MAP3K15: variants seen among roughly 807,000 people sequenced by gnomAD.
MAP3K15 encodes mitogen-activated protein kinase kinase kinase 15.
MAP3K15 carries 124 observed loss-of-function variants against 99.5 expected under a neutral mutation model. That is an observed-to-expected ratio of 1.25 (90% confidence interval 1.08 to 1.45). MAP3K15 has a LOEUF of 1.45. Among genes scored for constraint, MAP3K15 ranks in the 40% most tolerant of loss-of-function variants. The probability of loss-of-function intolerance (pLI) is 0.00; values close to 1 mark genes in which losing one functional copy is unlikely to be tolerated. For missense variants in MAP3K15, 1,242 were observed against 1,079.7 expected, an observed-to-expected ratio of 1.15 and a Z score of -2.11; for synonymous variants, 494 against 439.6, an observed-to-expected ratio of 1.12 and a Z score of -1.55.
chrX:19,393,504 A>T (rs1285171389), intron 16 of MAP3K15, among the ~76,000 whole-genome samples: 1 of 110,600 alleles, frequency 9.0e-6, no homozygotes, highest in Admixed American at 9.7e-5. Flanking sequence ...GGTGGCACGC[A>T]CTTGTAATCC....
rs867276196 is a variant in MAP3K15 at position 19,424,211 on chromosome X, T to C, written c.1439+1320A>G. Among the ~76,000 whole-genome samples, 11 of 103,916 alleles carry C rather than the reference T, an allele frequency of 1.1e-4. 1 individual carries two copies. The highest frequency in any genetic ancestry group is 2.9e-4 in the East Asian group (1 of 3,501). 90.2% of individuals were successfully genotyped at this position (103,916 alleles called of 115,157 possible). A position where few individuals can be genotyped will look rare whatever the true frequency, so the allele number is the denominator to read the frequency against. On this transcript the variant is annotated intron_variant, in intron 9 of 28. Coordinates refer to ENST00000338883, the MANE Select transcript of MAP3K15 (RefSeq NM_001001671.4). ...GTATATATACACACACACACACACA[T>C]ATATACACACATATATGTACACACA...
At chrX:19,450,887 C>CA (rs147599064) in intron 6 of MAP3K15, among the ~76,000 whole-genome samples, 3,320 of 101,739 alleles carry the variant, frequency 0.033, 131 homozygotes, top group African/African-American at 0.11. Flanking sequence ...GTTCATTTAT[C>CA]AAAAAAAAAA....
At chrX:19,408,461 TG>T in intron 12 of MAP3K15, 1 of 137,282 alleles carries the variant, frequency 7.3e-6, no homozygotes, top group Non-Finnish European at 1.5e-5. Context: ...GAGACCAGCC[TG>T]ACCAACATGG....
At chrX:19,418,714 G>C (rs1167366804) in intron 9 of MAP3K15, among the ~76,000 whole-genome samples, 1 of 109,309 alleles carries the variant, frequency 9.1e-6, no homozygotes, top group Non-Finnish European at 1.9e-5. Flanking sequence ...CTCGAGAAGA[G>C]CAACTCCAAG....
intron 10 of MAP3K15, 123 bp from the exon 11 acceptor site, chrX:19,413,587 A>G (rs1347013647): frequency 3.5e-6 from 1 of 285,025 alleles, no homozygotes; most frequent in Non-Finnish European, 5.8e-6. Context: ...ACAGTGGCTC[A>G]CGCCTGTAAT....
At chrX:19,402,252 G>A (rs768508900) in intron 13 of MAP3K15, among the ~76,000 whole-genome samples, 24 of 110,021 alleles carry the variant, frequency 2.2e-4, no homozygotes, top group Admixed American at 4.8e-4. Context: ...CCAAGACTGC[G>A]CCACTGCACT....
At chrX:19,426,885 T>A (rs190272256) in intron 7 of MAP3K15, among the ~76,000 whole-genome samples, 1,921 of 105,456 alleles carry the variant, frequency 0.018, 60 homozygotes, top group African/African-American at 0.065. Context: ...GGAGTTTTAA[T>A]TTTTTTTTGC....
At chrX:19,412,233 T>C (rs1291019324) in intron 11 of MAP3K15, among the ~76,000 whole-genome samples, 2 of 112,009 alleles carry the variant, frequency 1.8e-5, no homozygotes, top group African/African-American at 6.5e-5. Context: ...AACTTCTTGA[T>C]TTGGGAGGAA....
chrX:19,368,333 G>C (rs1361215386), intron 25 of MAP3K15, among the ~76,000 whole-genome samples: 2 of 111,642 alleles, frequency 1.8e-5, no homozygotes, highest in African/African-American at 6.5e-5. Context: ...GAAGAGATGG[G>C]GTTTCACCAT....
At chrX:19,460,408 C>T (rs1001169102) in intron 4 of MAP3K15, among the ~76,000 whole-genome samples, 4 of 112,226 alleles carry the variant, frequency 3.6e-5, no homozygotes, top group Non-Finnish European at 7.5e-5. Flanking sequence ...TGTACTTGGA[C>T]AACACACAGA....
intron 3 of MAP3K15, among the ~76,000 whole-genome samples, chrX:19,486,085 C>T (rs1201240057): frequency 1.8e-5 from 2 of 111,581 alleles, no homozygotes; most frequent in South Asian, 3.8e-4. Context: ...AACTGGCATA[C>T]AACTTCACGT....
intron 1 of MAP3K15, among the ~76,000 whole-genome samples, chrX:19,505,221 T>C (rs998307324): frequency 9.4e-6 from 1 of 106,658 alleles, no homozygotes; most frequent in Non-Finnish European, 1.9e-5. Context: ...CACAGCAGCA[T>C]AGAGGGGGGC....
intron 3 of MAP3K15, among the ~76,000 whole-genome samples, chrX:19,474,541 GT>G (rs781653123): frequency 0.098 from 4,148 of 42,433 alleles, 671 homozygotes; most frequent in African/African-American, 0.24. Context: ...ATTCTTGGAG[GT>G]TGGGGGGGGG....
At chrX:19,471,269 ATT>A in intron 3 of MAP3K15, among the ~76,000 whole-genome samples, 1 of 102,332 alleles carries the variant, frequency 9.8e-6, no homozygotes, top group African/African-American at 3.5e-5. Context: ...CCTAAATATG[ATT>A]TTTTTTTTTT....
chrX:19,441,235 C>T (rs1197625716), intron 6 of MAP3K15, among the ~76,000 whole-genome samples: 6 of 110,665 alleles, frequency 5.4e-5, no homozygotes, highest in African/African-American at 2.0e-4. Context: ...TTTCCTCAGG[C>T]TAGAGAGTGA....
chrX:19,487,711 G>A (rs2147400468), intron 2 of MAP3K15, among the ~76,000 whole-genome samples: 1 of 111,643 alleles, frequency 9.0e-6, no homozygotes, highest in South Asian at 3.7e-4. Context: ...TCAAGCAGGT[G>A]GTATTTCTAC....
chrX:19,452,366 G>T lies in MAP3K15; in HGVS notation c.995+4547C>A, dbSNP rs976361293. On this transcript the variant is annotated intron_variant, in intron 6 of 28. Coordinates refer to ENST00000338883, the MANE Select transcript of MAP3K15 (RefSeq NM_001001671.4). ...AAGAGAAGAGAAAGAGAAGAGAAGA[G>T]AAGAGAAGAGAGAAAAGAAAAGAGA... Among the ~76,000 whole-genome samples, 2 of 56,696 alleles carry T rather than the reference G, an allele frequency of 3.5e-5. 1 individual carries two copies. Among genetic ancestry groups the T allele is most frequent in the Non-Finnish European group, 5.6e-5 (2 of 35,446 alleles). 49.2% of individuals were successfully genotyped at this position (56,696 alleles called of 115,157 possible). A position where few individuals can be genotyped will look rare whatever the true frequency, so the allele number is the denominator to read the frequency against.
At chrX:19,482,464 G>A (rs916380100) in intron 3 of MAP3K15, among the ~76,000 whole-genome samples, 28 of 112,034 alleles carry the variant, frequency 2.5e-4, no homozygotes, top group African/African-American at 6.2e-4. Context: ...GATGATCTTC[G>A]AAAACATCAT....
In MAP3K15 at chrX:19,374,498, G is replaced by T. The variant is rs754249644; in HGVS notation, c.2752C>A (p.Arg918=). 3.1e-5 allele frequency: 37 copies of T among 1,209,208 alleles called. No homozygotes were observed. In the South Asian group the frequency reaches 6.2e-4, roughly 20 times the overall value. Residue 918 remains arginine, a synonymous_variant, in exon 20 of 29, where the codon CGA becomes AGA. Coordinates refer to ENST00000338883, the MANE Select transcript of MAP3K15 (RefSeq NM_001001671.4). ...TCACCTGAGGGCTTGAAGGCAATTC[G>T]GTTCTTCTTGCCCTTGTTCACCTGC... ...LRQVNKGKKN[R]IAFKPSEGPR...
Sources: allele counts gnomAD v4.1 joint callset (sites outside exome capture counted in the v4.1 genomes callset), GRCh38; gene constraint gnomAD v4.1.1; transcripts MANE v1.5; gene names NCBI Gene and HGNC (gene_info 2026-07-23, HGNC 2026-07-21).